FARS2: variants seen among roughly 807,000 people sequenced by gnomAD.
The protein encoded by FARS2 is phenylalanyl-tRNA synthetase 2, mitochondrial.
Under a neutral mutation model 46.4 loss-of-function variants are expected in FARS2, and 40 were observed. That is an observed-to-expected ratio of 0.86 (90% CI 0.67 to 1.12). The LOEUF (loss-of-function observed/expected upper bound fraction) is 1.12. Ranked by LOEUF, FARS2 falls within the 50% of genes most tolerant of loss-of-function variation. FARS2 has a pLI of 0.00. For synonymous variants in FARS2, 234 were observed against 214.9 expected, an observed-to-expected ratio of 1.09 and a Z score of -0.78; for missense variants, 513 against 567.9, an observed-to-expected ratio of 0.90 and a Z score of 0.98.
chr6:5,500,124 T>C (rs1767702575), intron 4 of FARS2, among the ~76,000 whole-genome samples: 1 of 152,202 alleles, frequency 6.6e-6, no homozygotes, highest in African/African-American at 2.4e-5. Context: ...CTTGCCATCG[T>C]TTAAGAAGTC....
At chr6:5,594,603 A>C (rs953971536) in intron 5 of FARS2, among the ~76,000 whole-genome samples, 2 of 152,220 alleles carry the variant, frequency 1.3e-5, no homozygotes, top group African/African-American at 4.8e-5. Context: ...GGCAGAAAGC[A>C]GCTCCCCACC....
chr6:5,613,836 T>C (rs908138387), intron 6 of FARS2, among the ~76,000 whole-genome samples: 14 of 152,162 alleles, frequency 9.2e-5, no homozygotes, highest in African/African-American at 3.4e-4. Flanking sequence ...AAGCATGCTA[T>C]TATGAGGGAA....
intron 5 of FARS2, among the ~76,000 whole-genome samples, chr6:5,611,007 C>T (rs896418486): frequency 7.2e-5 from 11 of 152,206 alleles, no homozygotes; most frequent in African/African-American, 2.4e-4. Flanking sequence ...TAATGTGCTC[C>T]TCTAGGCTCT....
intron 1 of FARS2, among the ~76,000 whole-genome samples, chr6:5,318,063 G>C (rs1308166336): frequency 6.6e-6 from 1 of 151,874 alleles, no homozygotes; most frequent in African/African-American, 2.4e-5. Flanking sequence ...CTGATTTTGA[G>C]TATTATAACA....
chr6:5,709,102 C>T (rs1467833161), intron 6 of FARS2, among the ~76,000 whole-genome samples: 2 of 152,150 alleles, frequency 1.3e-5, no homozygotes, highest in Admixed American at 1.3e-4. Flanking sequence ...ATGGTTGCTT[C>T]GCTAATTAGA....
chr6:5,464,195 TA>T (rs1765392450), intron 4 of FARS2, among the ~76,000 whole-genome samples: 1 of 152,240 alleles, frequency 6.6e-6, no homozygotes, highest in African/African-American at 2.4e-5. Flanking sequence ...GGGCCAGCAT[TA>T]CATTTTGGAT....
intron 5 of FARS2, among the ~76,000 whole-genome samples, chr6:5,584,101 T>A: frequency 1.5e-5 from 1 of 66,504 alleles, no homozygotes; most frequent in Non-Finnish European, 2.4e-5. Context: ...TCTCTCTTTC[T>A]CTCTCTGACA....
At chr6:5,620,760 C>T (rs7746914) in intron 6 of FARS2, among the ~76,000 whole-genome samples, 33,344 of 152,148 alleles carry the variant, frequency 0.22, 3,723 homozygotes, top group East Asian at 0.34. Context: ...ACAAAGGGAC[C>T]GGATTAGCCC....
At chr6:5,749,986 T>G (rs1761854635) in intron 6 of FARS2, among the ~76,000 whole-genome samples, 1 of 152,166 alleles carries the variant, frequency 6.6e-6, no homozygotes, top group Admixed American at 6.5e-5. Context: ...AGGAAGTTTG[T>G]TCATTTGCCA....
At chr6:5,479,930 G>T (rs918459938) in intron 4 of FARS2, among the ~76,000 whole-genome samples, 1 of 152,224 alleles carries the variant, frequency 6.6e-6, no homozygotes, top group East Asian at 1.9e-4. Flanking sequence ...AAGGAGAAGG[G>T]CAGGACCATT....
intron 6 of FARS2, among the ~76,000 whole-genome samples, chr6:5,749,911 C>T (rs998818436): frequency 5.9e-5 from 9 of 152,166 alleles, no homozygotes; most frequent in African/African-American, 9.6e-5. Context: ...GCTGGCCGAG[C>T]GGAGTGGCCC....
chr6:5,490,082 A>G (rs953795526), intron 4 of FARS2, among the ~76,000 whole-genome samples: 3 of 152,258 alleles, frequency 2.0e-5, no homozygotes, highest in Admixed American at 6.5e-5. Context: ...AACCCAAGCA[A>G]TCACTGATTT....
intron 5 of FARS2, among the ~76,000 whole-genome samples, chr6:5,586,326 T>C (rs1296427282): frequency 6.6e-6 from 1 of 152,154 alleles, no homozygotes; most frequent in Admixed American, 6.5e-5. Flanking sequence ...CTTTTCAACT[T>C]TGAGTGTGAT....
intron 4 of FARS2, among the ~76,000 whole-genome samples, chr6:5,466,392 C>T (rs934669068): frequency 1.1e-4 from 17 of 152,304 alleles, no homozygotes; most frequent in African/African-American, 4.1e-4. Context: ...TGGTCTCCTT[C>T]CTGTTGCCCC....
intron 6 of FARS2, among the ~76,000 whole-genome samples, chr6:5,648,245 G>T (rs1253401763): frequency 6.6e-6 from 1 of 152,168 alleles, no homozygotes. Context: ...CAGCCAGCCG[G>T]CCTCCTTTGC....
At chr6:5,550,272 T>TTTATTTATAATAAA in intron 5 of FARS2, among the ~76,000 whole-genome samples, 1 of 152,332 alleles carries the variant, frequency 6.6e-6, no homozygotes, top group South Asian at 2.1e-4. Flanking sequence ...TCCTTCTTTT[T>TTTATTTATAATAAA]TAAAGTTCTT....
chr6:5,308,500 C>T (rs767912957), intron 1 of FARS2, among the ~76,000 whole-genome samples: 1 of 152,184 alleles, frequency 6.6e-6, no homozygotes, highest in East Asian at 1.9e-4. Context: ...TTCTAATCTG[C>T]TGTACACTGA....
chr6:5,594,951 T>C (rs935747387), intron 5 of FARS2, among the ~76,000 whole-genome samples: 8 of 152,216 alleles, frequency 5.3e-5, no homozygotes, highest in African/African-American at 1.9e-4. Context: ...CCCTTTCTCC[T>C]CTGTCCGGCC....
chr6:5,635,818 A>G (rs1776520799), intron 6 of FARS2, among the ~76,000 whole-genome samples: 1 of 152,154 alleles, frequency 6.6e-6, no homozygotes, highest in South Asian at 2.1e-4. Context: ...GACATTTTGT[A>G]TTTGCATTTG....
Sources: gnomAD v4.1 joint callset for allele counts (sites outside exome capture counted in the v4.1 genomes callset) on GRCh38, gnomAD v4.1.1 for gene constraint, MANE v1.5 for transcripts, NCBI Gene and HGNC (gene_info 2026-07-23, HGNC 2026-07-21) for gene names.